TLE1: variants seen among roughly 807,000 people sequenced by gnomAD.
The protein encoded by TLE1 is transducin-like enhancer protein 1.
TLE1 carries 21 observed loss-of-function variants against 89.8 expected under a neutral mutation model. The observed-to-expected ratio is 0.23, with a 90% confidence interval of 0.17 to 0.34. The LOEUF is 0.34. Among genes scored for constraint, TLE1 ranks in the 10% least tolerant of loss-of-function variants. TLE1 has a pLI of 1.00. For missense variants in TLE1, 795 were observed against 1,031.2 expected, an observed-to-expected ratio of 0.77 and a Z score of 3.14; for synonymous variants, 447 against 407.6, an observed-to-expected ratio of 1.10 and a Z score of -1.16.
Position 81,620,489 on chromosome 9 carries a change from G to A in TLE1, c.663C>T (p.Ser221=), listed in dbSNP as rs147867092. The A allele has an allele frequency of 3.0e-4, 479 of 1,613,986 alleles. 1 individual carries two copies. The highest frequency in any genetic ancestry group is 6.3e-4 in the Admixed American group (38 of 60,004). The change falls in exon 9 of 20, where the codon TCC becomes TCT. Residue 221 remains serine, a synonymous_variant. Coordinates refer to ENST00000376499, the MANE Select transcript of TLE1 (RefSeq NM_005077.5). ...TDKRRNGPEF[S]NDIKKRKVDD... ...CCACCTTCCTTTTCTTGATGTCATT[G>A]GAAAATTCAGGTCCATTTCTGCGTT...
In TLE1 at chr9:81,587,907, C is replaced by CGTGTGT. The variant is rs71496083; in HGVS notation, c.1830-85_1830-80dup. On this transcript the variant is annotated intron_variant, in intron 16 of 19. Coordinates refer to ENST00000376499, the MANE Select transcript of TLE1 (RefSeq NM_005077.5). ...CACTGTTGTGTTGTTAGTTTTGGAC[C>CGTGTGT]GTGTGTGTGTGTGTGTGTGTGTGTG... The CGTGTGT allele has an allele frequency of 4.1e-3, 3,059 of 752,854 alleles. 17 individuals are homozygous for CGTGTGT. Among genetic ancestry groups the CGTGTGT allele is most frequent in the East Asian group, 0.018 (559 of 31,370 alleles). 46.6% of individuals were successfully genotyped at this position (752,854 alleles called of 1,614,324 possible).
At chr9:81,643,306 G>T (rs938471372) in intron 6 of TLE1, among the ~76,000 whole-genome samples, 40 of 151,562 alleles carry the variant, frequency 2.6e-4, no homozygotes, top group African/African-American at 8.5e-4. Context: ...GTGCGATCTC[G>T]GCTCACGGCA....
chr9:81,652,394 A>C (rs1829666625), intron 5 of TLE1, 106 bp from the exon 6 acceptor site: 1 of 864,814 alleles, frequency 1.2e-6, no homozygotes, highest in East Asian at 2.5e-5. Context: ...CTGAAGTAGA[A>C]GGGTTTAAAT....
chr9:81,668,478 C>G (rs1006764256), intron 4 of TLE1, among the ~76,000 whole-genome samples: 1 of 151,930 alleles, frequency 6.6e-6, no homozygotes, highest in African/African-American at 2.4e-5. Context: ...CATGTGGAGG[C>G]AAACAGGAAT....
chr9:81,681,674 T>TC (rs1370564643), intron 4 of TLE1, among the ~76,000 whole-genome samples: 1 of 152,188 alleles, frequency 6.6e-6, no homozygotes, highest in East Asian at 1.9e-4. Flanking sequence ...TCACTGGGTC[T>TC]CCACCAGGAT....
intron 14 of TLE1, 51 bp downstream of exon 14, chr9:81,610,169 A>G (rs747468498): frequency 2.6e-6 from 4 of 1,514,098 alleles, no homozygotes; most frequent in Non-Finnish European, 1.8e-6. Flanking sequence ...GCTAATACCA[A>G]TGACTGAGTA....
intron 4 of TLE1, among the ~76,000 whole-genome samples, chr9:81,673,427 C>T (rs1479883872): frequency 6.6e-6 from 1 of 151,140 alleles, no homozygotes; most frequent in Admixed American, 6.6e-5. Flanking sequence ...GCTGGGTTTG[C>T]AAAAACAAAA....
At position 81,655,103 on chromosome 9, in the gene TLE1, C is replaced by T. The variant is rs562986988; in HGVS notation, c.235-1067G>A. On this transcript the variant is annotated intron_variant, in intron 4 of 19. Transcript: ENST00000376499. Reference sequence around the variant, plus strand: ...AGGAAAGGCCGGGTGCGGTGGCTCGCGCCTGTAATCCCAGCACTTTCTGAG... The same window carrying T: ...AGGAAAGGCCGGGTGCGGTGGCTCGTGCCTGTAATCCCAGCACTTTCTGAG... Among the ~76,000 whole-genome samples the T allele has an allele frequency of 8.5e-5, 13 of 152,204 alleles. No homozygotes were observed. The South Asian group carries it at 2.3e-3, about 27-fold the overall frequency.
At chr9:81,621,703 C>A (rs1274708160) in intron 8 of TLE1, among the ~76,000 whole-genome samples, 1 of 152,146 alleles carries the variant, frequency 6.6e-6, no homozygotes, top group Non-Finnish European at 1.5e-5. Context: ...TCCTAACCAG[C>A]CAGAGGTAAT....
At position 81,625,911 on chromosome 9, in the gene TLE1, T is replaced by TA. The variant is rs35467275; in HGVS notation, c.595-5355dup. ...TCTGGAAAGTAACCTCAGAAACTAC[T>TA]AAAAAAAAAAAAAAAAAAAAAAGCA... On this transcript the variant is annotated intron_variant, in intron 8 of 19. Transcript: ENST00000376499. Among the ~76,000 whole-genome samples the TA allele has an allele frequency of 7.3e-4, 64 of 87,810 alleles. 2 individuals are homozygous for TA. The highest frequency in any genetic ancestry group is 2.9e-3 in the African/African-American group (55 of 18,656). The allele number at this position is 87,810 out of a possible 152,430, so 57.6% of individuals were successfully genotyped here.
intron 10 of TLE1, 34 bp from the exon 11 acceptor site, chr9:81,616,168 A>G (rs1314888104): frequency 1.3e-6 from 2 of 1,578,294 alleles, no homozygotes; most frequent in African/African-American, 1.4e-5. Context: ...TTCGTGATTT[A>G]GCTTGTAACA....
At chr9:81,607,079 A>G (rs1539375) in intron 14 of TLE1, among the ~76,000 whole-genome samples, 27,640 of 146,338 alleles carry the variant, frequency 0.19, 4,235 homozygotes, top group East Asian at 0.56. Context: ...AAAAAAATGG[A>G]GAGAGAGAGA....
At chr9:81,608,127 T>C (rs980423898) in intron 14 of TLE1, among the ~76,000 whole-genome samples, 11 of 152,082 alleles carry the variant, frequency 7.2e-5, no homozygotes, top group Non-Finnish European at 1.2e-4. Flanking sequence ...TAATTCACCA[T>C]GCTGGGCGTG....
intron 6 of TLE1, among the ~76,000 whole-genome samples, chr9:81,635,643 G>C (rs1455146355): frequency 6.6e-6 from 1 of 152,044 alleles, no homozygotes; most frequent in East Asian, 1.9e-4. Context: ...TCACTTCCTT[G>C]GGACTCAATT....
intron 4 of TLE1, among the ~76,000 whole-genome samples, chr9:81,673,695 G>A (rs1394903610): frequency 1.3e-5 from 2 of 152,016 alleles, no homozygotes; most frequent in Admixed American, 1.3e-4. Flanking sequence ...AGGCTGGGAA[G>A]GTTGACACGG....
Position 81,584,179 on chromosome 9 carries a change from G to T in TLE1, c.*19C>A, listed in dbSNP as rs370336465. 1.3e-6 allele frequency: 2 copies of T among 1,598,798 alleles called. No individual in the cohort carries two copies. The highest frequency in any genetic ancestry group is 1.3e-5 in the African/African-American group (1 of 74,530). The stretch of plus-strand genomic sequence containing the variant: ...ATTTTGGCCCAATTCAACTATAAAC[G>T]TTAAACCACATAATGTTTTCAGTAG... On this transcript the variant is annotated 3_prime_UTR_variant, in exon 20 of 20. Transcript: ENST00000376499.
intron 4 of TLE1, among the ~76,000 whole-genome samples, chr9:81,681,112 C>T (rs1385938101): frequency 6.6e-6 from 1 of 152,156 alleles, no homozygotes; most frequent in Non-Finnish European, 1.5e-5. Context: ...ACTGTAAAAG[C>T]AGTTTCACTC....
In TLE1 at chr9:81,644,262, C is replaced by T. The variant is rs568094499; in HGVS notation, c.372+7952G>A. 1.2e-4 allele frequency among the ~76,000 whole-genome samples: 18 copies of T among 152,304 alleles called. No homozygotes were observed. In the South Asian group the frequency reaches 3.7e-3, roughly 32 times the overall value. Reference sequence around the variant, plus strand: ...AAGAGAAAACATGCCCACACAAAAACCTGTACACAAATGTTCATAGCAGCA... The same window carrying T: ...AAGAGAAAACATGCCCACACAAAAATCTGTACACAAATGTTCATAGCAGCA... On this transcript the variant is annotated intron_variant, in intron 6 of 19. Transcript: ENST00000376499.
chr9:81,688,359 G>T lies in TLE1; in HGVS notation c.-119C>A. The T allele has an allele frequency of 8.7e-7, 1 of 1,151,610 alleles. No homozygotes were observed. Among genetic ancestry groups the T allele is most frequent in the Non-Finnish European group, 1.2e-6 (1 of 862,422 alleles). 71.3% of individuals were successfully genotyped at this position (1,151,610 alleles called of 1,614,324 possible). On this transcript the variant is annotated 5_prime_UTR_variant, in exon 1 of 20. Coordinates refer to ENST00000376499, the MANE Select transcript of TLE1 (RefSeq NM_005077.5). ...GCCAAGCAGAAGCGGGGAGCGCGCTGGCCACGCACGCGCGCTCCGCCGGGC... is the reference window on the plus strand; with the variant it reads ...GCCAAGCAGAAGCGGGGAGCGCGCTTGCCACGCACGCGCGCTCCGCCGGGC...
Sources: allele counts gnomAD v4.1 joint callset (sites outside exome capture counted in the v4.1 genomes callset), GRCh38; gene constraint gnomAD v4.1.1; transcripts MANE v1.5; gene names NCBI Gene and HGNC (gene_info 2026-07-23, HGNC 2026-07-21).